Variants in NDRG1 observed in about 807,000 individuals in gnomAD.
The protein encoded by NDRG1 is N-myc downstream regulated 1, also known as protein NDRG1.
Under a neutral mutation model 56.9 loss-of-function variants are expected in NDRG1, and 32 were observed. The ratio of observed to expected loss-of-function variants is 0.56; its 90% CI spans 0.42 to 0.76. The LOEUF (loss-of-function observed/expected upper bound fraction) is 0.76. NDRG1 is among the 30% of genes least tolerant of loss of function. The pLI, the probability that NDRG1 is intolerant of heterozygous loss-of-function variation, is 0.00. For synonymous variants in NDRG1, 211 were observed against 204.1 expected, an observed-to-expected ratio of 1.03 and a Z score of -0.29; for missense variants, 507 against 545.7, an observed-to-expected ratio of 0.93 and a Z score of 0.71.
intron 1 of NDRG1, among the ~76,000 whole-genome samples, chr8:133,295,868 C>T (rs1274958490): frequency 6.6e-6 from 1 of 152,120 alleles, no homozygotes; most frequent in Admixed American, 6.5e-5. Flanking sequence ...TGAAGTGCCC[C>T]CAGCGTCCGT....
intron 3 of NDRG1, among the ~76,000 whole-genome samples, chr8:133,273,805 C>T (rs1278073816): frequency 1.3e-5 from 2 of 152,196 alleles, no homozygotes; most frequent in Admixed American, 1.3e-4. Flanking sequence ...CTTCCCTCCC[C>T]CAGGTGGCCT....
chr8:133,255,634 C>T (rs897961095), intron 8 of NDRG1: 4 of 324,308 alleles, frequency 1.2e-5, no homozygotes, highest in African/African-American at 4.4e-5. Context: ...GAACGTCATA[C>T]AGGCTGGACG....
intron 15 of NDRG1, chr8:133,241,801 A>C: frequency 1.6e-6 from 1 of 612,520 alleles, no homozygotes; most frequent in Non-Finnish European, 2.9e-6. Flanking sequence ...GGTGTGAAAC[A>C]ACTTCTATTC....
Position 133,257,330 on chromosome 8 carries a change from G to C in NDRG1, c.451-467C>G, listed in dbSNP as rs62514045. On this transcript the variant is annotated intron_variant, in intron 7 of 15. Coordinates refer to ENST00000323851, the MANE Select transcript of NDRG1 (RefSeq NM_006096.4). ...ACACACACACACAGAGAGAGAGACA[G>C]AGTTATGCATCGCTGAATAACAGGG... 1.9e-3 allele frequency among the ~76,000 whole-genome samples: 224 copies of C among 118,652 alleles called. 1 individual carries two copies. In the Middle Eastern group the frequency reaches 0.022, roughly 12 times the overall value. The allele number at this position is 118,652 out of a possible 152,430, so 77.8% of individuals were successfully genotyped here.
At chr8:133,296,634 C>A in intron 1 of NDRG1, 1 of 436,134 alleles carries the variant, frequency 2.3e-6, no homozygotes, top group Admixed American at 2.4e-5. Context: ...GCCAGCGCCA[C>A]TCACCTCTAC....
intron 7 of NDRG1, 120 bp downstream of exon 7, chr8:133,258,244 CAA>C: frequency 4.1e-6 from 4 of 973,092 alleles, no homozygotes; most frequent in Non-Finnish European, 6.4e-6. Flanking sequence ...CACACACACA[CAA>C]CTGTGGAGAA....
chr8:133,264,245 G>A (rs868725857), intron 4 of NDRG1, among the ~76,000 whole-genome samples: 7 of 152,204 alleles, frequency 4.6e-5, no homozygotes, highest in Non-Finnish European at 4.4e-5. Context: ...TGTGCTGATC[G>A]TTGCACAATT....
chr8:133,294,364 T>C (rs1858612247), intron 1 of NDRG1, among the ~76,000 whole-genome samples: 1 of 152,188 alleles, frequency 6.6e-6, no homozygotes, highest in Admixed American at 6.5e-5. Flanking sequence ...AGGGAGACAG[T>C]GGCTGCTCTG....
chr8:133,276,506 A>T (rs11776198), intron 3 of NDRG1, among the ~76,000 whole-genome samples: 2 of 152,006 alleles, frequency 1.3e-5, no homozygotes, highest in Admixed American at 6.5e-5. Flanking sequence ...GGAGGGAACC[A>T]GTGGGAGGTA....
intron 3 of NDRG1, among the ~76,000 whole-genome samples, chr8:133,276,988 T>C (rs576524032): frequency 1.2e-4 from 19 of 152,306 alleles, no homozygotes; most frequent in African/African-American, 4.3e-4. Flanking sequence ...CAACAGAATA[T>C]GATTCAGCCT....
chr8:133,275,066 C>T (rs1489249964), intron 3 of NDRG1, among the ~76,000 whole-genome samples: 3 of 152,132 alleles, frequency 2.0e-5, no homozygotes, highest in Non-Finnish European at 1.5e-5. Context: ...GCCCTGTAGG[C>T]CCCCTTGACC....
chr8:133,253,640 T>C (rs1453307143), intron 9 of NDRG1, among the ~76,000 whole-genome samples: 2 of 152,182 alleles, frequency 1.3e-5, no homozygotes, highest in Non-Finnish European at 2.9e-5. Flanking sequence ...AACAGGTGAA[T>C]GGAAAAACAA....
intron 1 of NDRG1, among the ~76,000 whole-genome samples, chr8:133,286,798 AG>A (rs1393845015): frequency 6.6e-6 from 1 of 152,228 alleles, no homozygotes; most frequent in East Asian, 1.9e-4. Flanking sequence ...TGAACCATTT[AG>A]GAAGTGTCCT....
chr8:133,286,358 T>C (rs1451023337), intron 1 of NDRG1, among the ~76,000 whole-genome samples: 1 of 152,226 alleles, frequency 6.6e-6, no homozygotes, highest in East Asian at 1.9e-4. Context: ...CAGTTCTCTT[T>C]GGCTTCCAGA....
At chr8:133,257,086 G>A (rs1046266288) in intron 7 of NDRG1, among the ~76,000 whole-genome samples, 1 of 152,200 alleles carries the variant, frequency 6.6e-6, no homozygotes, top group African/African-American at 2.4e-5. Context: ...AGGAAGTGCA[G>A]GAGAAGTAGG....
At chr8:133,279,247 A>T (rs1271422149) in intron 3 of NDRG1, among the ~76,000 whole-genome samples, 1 of 152,180 alleles carries the variant, frequency 6.6e-6, no homozygotes, top group East Asian at 1.9e-4. Context: ...CACAACCAGG[A>T]TGATGAGAAA....
Position 133,238,709 on chromosome 8 carries a change from C to T in NDRG1, c.*169G>A. On this transcript the variant is annotated 3_prime_UTR_variant, in exon 16 of 16. Coordinates refer to ENST00000323851, the MANE Select transcript of NDRG1 (RefSeq NM_006096.4). ...ACCGCCACCCCGCCTTTGGAGAGGG[C>T]ACCCACGTAATAGACCTCATTTGTC... is the stretch of plus-strand genomic sequence containing the variant. 2.4e-6 allele frequency: 2 copies of T among 816,620 alleles called. No individual in the cohort carries two copies. Among genetic ancestry groups the T allele is most frequent in the Non-Finnish European group, 3.7e-6 (2 of 537,100 alleles). 50.6% of individuals were successfully genotyped at this position (816,620 alleles called of 1,614,324 possible).
At chr8:133,250,318 C>T in intron 10 of NDRG1, 122 bp downstream of exon 10, 2 of 943,130 alleles carry the variant, frequency 2.1e-6, no homozygotes, top group Non-Finnish European at 1.7e-6. Flanking sequence ...AATCTATTTG[C>T]TCAAACTCAG....
chr8:133,285,640 C>A (rs993657295), intron 1 of NDRG1, among the ~76,000 whole-genome samples: 1 of 152,228 alleles, frequency 6.6e-6, no homozygotes, highest in Non-Finnish European at 1.5e-5. Context: ...CTTGTGCCAA[C>A]ACATGGCATT....
Sources: allele counts gnomAD v4.1 joint callset (sites outside exome capture counted in the v4.1 genomes callset), GRCh38; gene constraint gnomAD v4.1.1; transcripts MANE v1.5; gene names NCBI Gene and HGNC (gene_info 2026-07-23, HGNC 2026-07-21).